MEIS1: variants seen among roughly 807,000 people sequenced by gnomAD.
The protein encoded by MEIS1 is homeobox protein Meis1.
MEIS1 carries 5 observed loss-of-function variants against 50.8 expected under a neutral mutation model. The observed-to-expected ratio is 0.10, with a 90% CI of 0.05 to 0.21. The LOEUF (loss-of-function observed/expected upper bound fraction) is 0.21. Among genes scored for constraint, MEIS1 ranks in the 10% least tolerant of loss-of-function variants. MEIS1 has a pLI of 1.00. For synonymous variants in MEIS1, 176 were observed against 179.3 expected (o/e 0.98, Z 0.15); for missense variants, 318 against 517.3 (o/e 0.61, Z 3.74).
At chr2:66,560,123 T>A (rs962373157) in intron 9 of MEIS1, among the ~76,000 whole-genome samples, 110 of 120,470 alleles carry the variant, frequency 9.1e-4, no homozygotes, top group Non-Finnish European at 1.4e-3. Flanking sequence ...TTTTTTTTTT[T>A]AGGATGAAGT....
intron 7 of MEIS1, among the ~76,000 whole-genome samples, chr2:66,503,404 C>G (rs1172648481): frequency 6.6e-6 from 1 of 152,120 alleles, no homozygotes; most frequent in Non-Finnish European, 1.5e-5. Flanking sequence ...TTTAGGCTGC[C>G]CACTACACGT....
chr2:66,476,289 C>A (rs1165791662), intron 7 of MEIS1, among the ~76,000 whole-genome samples: 1 of 152,102 alleles, frequency 6.6e-6, no homozygotes, highest in Non-Finnish European at 1.5e-5. Flanking sequence ...ATTTGGCTTA[C>A]CTCATCCTGG....
chr2:66,516,701 A>G (rs1291350083), intron 8 of MEIS1, among the ~76,000 whole-genome samples: 1 of 152,108 alleles, frequency 6.6e-6, no homozygotes, highest in African/African-American at 2.4e-5. Flanking sequence ...CAGGTTGAGA[A>G]TAGCGTTTCC....
intron 5 of MEIS1, 51 bp from the exon 6 acceptor site, chr2:66,442,850 AT>A: frequency 6.7e-7 from 1 of 1,503,366 alleles, no homozygotes; most frequent in Middle Eastern, 1.7e-4. Context: ...TGTCAATGTC[AT>A]TTATGCACTC....
chr2:66,549,531 G>T (rs1674868164), intron 9 of MEIS1, among the ~76,000 whole-genome samples: 1 of 151,948 alleles, frequency 6.6e-6, no homozygotes, highest in Admixed American at 6.6e-5. Flanking sequence ...TGTAATATTT[G>T]AAATATAATA....
At chr2:66,476,990 T>G in intron 7 of MEIS1, among the ~76,000 whole-genome samples, 1 of 150,270 alleles carries the variant, frequency 6.7e-6, no homozygotes, top group African/African-American at 2.5e-5. Context: ...GAGTAGAGAG[T>G]GGGTGTGAGA....
At chr2:66,439,383 G>A in intron 2 of MEIS1, 5 of 1,254,232 alleles carry the variant, frequency 4.0e-6, no homozygotes, top group Non-Finnish European at 5.0e-6. Context: ...GCCTGCCACC[G>A]AGATCCCCCG....
rs1177963500 is a variant in MEIS1 at position 66,498,729 on chromosome 2, C to T, written c.743-13420C>T. On this transcript the variant is annotated intron_variant, in intron 7 of 12. Transcript: ENST00000272369. ...CCCACTTCAGTGAGGCATTCATGTG[C>T]ACCCAGCACACTTTCTAGCTTTATT... Among the ~76,000 whole-genome samples, 3 of 152,150 alleles carry T rather than the reference C, an allele frequency of 2.0e-5. 1 individual carries two copies. The highest frequency in any genetic ancestry group is 7.2e-5 in the African/African-American group (3 of 41,446).
intron 6 of MEIS1, among the ~76,000 whole-genome samples, chr2:66,450,395 C>T (rs1005807242): frequency 2.0e-5 from 3 of 152,086 alleles, no homozygotes; most frequent in Non-Finnish European, 4.4e-5. Context: ...ATCACTTGTG[C>T]TGAGGAGCTG....
Position 66,435,790 on chromosome 2 carries a change from T to C in MEIS1, c.-67T>C. 1 of 1,269,186 alleles carries C rather than the reference T, an allele frequency of 7.9e-7. No individual in the cohort carries two copies. Among genetic ancestry groups the C allele is most frequent in the Non-Finnish European group, 1.1e-6 (1 of 927,332 alleles). 78.6% of individuals were successfully genotyped at this position (1,269,186 alleles called of 1,614,324 possible). ...TTTCCGGGGGAGTTTGAATATTTGT[T>C]TCTTTTCACACTGGCCTTAAAGAGG... On this transcript the variant is annotated 5_prime_UTR_variant, in exon 1 of 13. Transcript: ENST00000272369.
chr2:66,456,235 T>TACACACACACAC (rs3220293), intron 6 of MEIS1, among the ~76,000 whole-genome samples: 6,311 of 147,484 alleles, frequency 0.043, 244 homozygotes, highest in African/African-American at 0.095. Context: ...ATGATTTTTA[T>TACACACACACAC]ACACACACAC....
chr2:66,502,833 T>C (rs1673589111), intron 7 of MEIS1, among the ~76,000 whole-genome samples: 1 of 152,220 alleles, frequency 6.6e-6, no homozygotes, highest in Non-Finnish European at 1.5e-5. Context: ...GAAGAAACTC[T>C]TCTTCCCCCT....
intron 8 of MEIS1, among the ~76,000 whole-genome samples, chr2:66,513,116 A>G (rs931963314): frequency 6.6e-6 from 1 of 152,184 alleles, no homozygotes; most frequent in African/African-American, 2.4e-5. Flanking sequence ...AAGAAGATAC[A>G]ATGAAGATTT....
At chr2:66,466,941 TAAAAAAAAAAA>T (rs397944047) in intron 7 of MEIS1, among the ~76,000 whole-genome samples, 1 of 130,480 alleles carries the variant, frequency 7.7e-6, no homozygotes, top group South Asian at 2.5e-4. Context: ...CACCTGTGGT[TAAAAAAAAAAA>T]AAAGAAAAGA....
chr2:66,496,826 G>A (rs960171708), intron 7 of MEIS1, among the ~76,000 whole-genome samples: 1 of 151,516 alleles, frequency 6.6e-6, no homozygotes, highest in Non-Finnish European at 1.5e-5. Flanking sequence ...TTTTTTGTTT[G>A]TTTTGCAATG....
intron 7 of MEIS1, among the ~76,000 whole-genome samples, chr2:66,499,904 A>T (rs1329724348): frequency 1.3e-5 from 2 of 152,162 alleles, no homozygotes; most frequent in African/African-American, 4.8e-5. Flanking sequence ...CAGTGGACAT[A>T]TGAGTTTATG....
chr2:66,544,911 G>C (rs1674752920), intron 8 of MEIS1, among the ~76,000 whole-genome samples: 1 of 152,178 alleles, frequency 6.6e-6, no homozygotes, highest in Non-Finnish European at 1.5e-5. Flanking sequence ...ACTACCCTTT[G>C]AAGCTCCAGG....
chr2:66,471,479 A>G (rs946598449), intron 7 of MEIS1, among the ~76,000 whole-genome samples: 3 of 152,202 alleles, frequency 2.0e-5, no homozygotes, highest in African/African-American at 7.2e-5. Context: ...TGATGGATTA[A>G]AATTTTGTTG....
rs376410305 is a variant in MEIS1, at chr2:66,528,194, C to G, written c.888+15900C>G. On this transcript the variant is annotated intron_variant, in intron 8 of 12. Transcript: ENST00000272369. ...TATAGAGTCATAGATCCAGAGAGTGCCAAGAGAGAAAAGGAGGAGGCCAAA... is the reference window on the plus strand; with the variant it reads ...TATAGAGTCATAGATCCAGAGAGTGGCAAGAGAGAAAAGGAGGAGGCCAAA... Among the ~76,000 whole-genome samples the G allele has an allele frequency of 3.3e-5, 5 of 151,946 alleles. 1 individual carries two copies. The South Asian group carries it at 1.0e-3, about 32-fold the overall frequency.
Sources: gnomAD v4.1 joint callset for allele counts (sites outside exome capture counted in the v4.1 genomes callset) on GRCh38, gnomAD v4.1.1 for gene constraint, MANE v1.5 for transcripts, NCBI Gene and HGNC (gene_info 2026-07-23, HGNC 2026-07-21) for gene names.